FREM3: variants seen among roughly 807,000 people sequenced by gnomAD.
FREM3 encodes FRAS1-related extracellular matrix protein 3.
A neutral mutation model predicts 129.1 loss-of-function variants in FREM3; 105 were observed. The observed-to-expected ratio is 0.81, with a 90% CI of 0.69 to 0.96. The LOEUF (loss-of-function observed/expected upper bound fraction) is 0.96, where lower values mean the gene tolerates loss of function less well. FREM3 is among the 40% of genes least tolerant of loss of function. The probability of loss-of-function intolerance (pLI) is 0.00; values close to 1 mark genes in which losing one functional copy is unlikely to be tolerated. For missense variants in FREM3, 2,593 were observed against 2,666.3 expected (o/e 0.97, Z 0.61); for synonymous variants, 1,014 against 1,044.9 (o/e 0.97, Z 0.57).
At chr4:143,690,017 T>A (rs1201196820) in intron 2 of FREM3, among the ~76,000 whole-genome samples, 4 of 136,558 alleles carry the variant, frequency 2.9e-5, no homozygotes, top group Non-Finnish European at 3.1e-5. Flanking sequence ...ATGGAAAAAT[T>A]AAAAAAAAAA....
intron 5 of FREM3, among the ~76,000 whole-genome samples, chr4:143,616,685 C>T (rs185029002): frequency 2.6e-5 from 4 of 151,764 alleles, no homozygotes; most frequent in Non-Finnish European, 2.9e-5. Flanking sequence ...CCCAGCTACA[C>T]GGGAGGCTGA....
chr4:143,643,706 A>AAGTTACAAT (rs1739364117), intron 2 of FREM3, among the ~76,000 whole-genome samples: 1 of 152,088 alleles, frequency 6.6e-6, no homozygotes, highest in South Asian at 2.1e-4. Context: ...AACAGGCAGA[A>AAGTTACAAT]AGTTACAATA....
At chr4:143,595,133 G>T (rs531086389) in intron 6 of FREM3, among the ~76,000 whole-genome samples, 1 of 152,228 alleles carries the variant, frequency 6.6e-6, no homozygotes, top group Admixed American at 6.5e-5. Flanking sequence ...GCCAGGTTTT[G>T]CAGGTGAGGT....
At position 143,697,578 on chromosome 4, in the gene FREM3, T is replaced by C. The variant is rs1482066613; in HGVS notation, c.3098A>G (p.Asp1033Gly). The change falls in exon 1 of 8, where the codon GAT (aspartate) becomes GGT (glycine). Residue 1033 changes from aspartate to glycine, a missense_variant. Asp to Gly is a moderately conservative substitution (Grantham distance 94). Around this residue, in one of 2 missense-constraint regions of FREM3, gnomAD observed 2,276 missense variants for 2,267.2 expected, o/e 1.00. Coordinates refer to ENST00000329798, the MANE Select transcript of FREM3 (RefSeq NM_001168235.2). ...TTTGGAGAGGATGAGGCTGAAGGCATCGTGCTGCTTTTGAAAACCAACTTC... is the reference window on the plus strand; with the variant it reads ...TTTGGAGAGGATGAGGCTGAAGGCACCGTGCTGCTTTTGAAAACCAACTTC... The part of the protein sequence containing the change: ...AGEVGFQKQH[D>G]AFSLILSKDS... The C allele has an allele frequency of 6.5e-7, 1 of 1,537,566 alleles. No homozygotes were observed. Among genetic ancestry groups the C allele is most frequent in the Non-Finnish European group, 8.7e-7 (1 of 1,146,964 alleles).
chr4:143,660,392 G>A (rs911074578), intron 2 of FREM3, among the ~76,000 whole-genome samples: 8 of 152,130 alleles, frequency 5.3e-5, no homozygotes, highest in African/African-American at 1.9e-4. Context: ...TCAGATAGTT[G>A]TAGATATGCG....
At chr4:143,591,269 T>C (rs1738355553) in intron 6 of FREM3, among the ~76,000 whole-genome samples, 1 of 152,244 alleles carries the variant, frequency 6.6e-6, no homozygotes, top group Non-Finnish European at 1.5e-5. Context: ...AGTTATTTCT[T>C]GCCTTCTGCT....
chr4:143,583,678 C>T (rs1484746993), intron 7 of FREM3, among the ~76,000 whole-genome samples: 1 of 151,764 alleles, frequency 6.6e-6, no homozygotes, highest in Non-Finnish European at 1.5e-5. Context: ...AAAAAAGAAT[C>T]TCAACCAAGA....
intron 2 of FREM3, among the ~76,000 whole-genome samples, chr4:143,677,657 T>A (rs1399066951): frequency 2.6e-5 from 4 of 152,222 alleles, no homozygotes; most frequent in African/African-American, 9.6e-5. Context: ...GACAAAGGGC[T>A]AATATCCAGA....
At chr4:143,602,880 T>C (rs1461935212) in intron 6 of FREM3, among the ~76,000 whole-genome samples, 2 of 152,188 alleles carry the variant, frequency 1.3e-5, no homozygotes, top group Non-Finnish European at 2.9e-5. Flanking sequence ...TCTAGCTATC[T>C]TAAGACAAAA....
chr4:143,663,512 TA>T (rs1455600063), intron 2 of FREM3, among the ~76,000 whole-genome samples: 2 of 152,136 alleles, frequency 1.3e-5, no homozygotes, highest in Non-Finnish European at 2.9e-5. Flanking sequence ...TGGCTGCCCT[TA>T]ACATTTTTTC....
chr4:143,675,124 G>C (rs1036533715), intron 2 of FREM3, among the ~76,000 whole-genome samples: 1 of 152,128 alleles, frequency 6.6e-6, no homozygotes, highest in Non-Finnish European at 1.5e-5. Context: ...TTCCAAAATT[G>C]ACCACATAGT....
rs1187545660 is a variant in FREM3, at chr4:143,577,644, G to A, written c.6387C>T (p.Asp2129=). ...TTIFIEDTIT[D]CKQSACSSFD is the part of the protein sequence containing the mutation. ...AGGAACTACAAGCACTCTGCTTACA[G>A]TCCGTGATGGTGTCCTCGATGAAAA... The change falls in exon 8 of 8, where the codon GAC becomes GAT. Residue 2129 remains aspartate (D), a synonymous_variant. Coordinates refer to ENST00000329798, the MANE Select transcript of FREM3 (RefSeq NM_001168235.2). 6.5e-7 allele frequency: 1 copy of A among 1,537,140 alleles called. No individual in the cohort carries two copies. Among genetic ancestry groups the A allele is most frequent in the Non-Finnish European group, 8.7e-7 (1 of 1,146,914 alleles).
At chr4:143,628,985 G>A (rs1739094230) in intron 2 of FREM3, among the ~76,000 whole-genome samples, 1 of 152,142 alleles carries the variant, frequency 6.6e-6, no homozygotes, top group African/African-American at 2.4e-5. Context: ...AGTAGGGCCA[G>A]TTAAGGAGGC....
At chr4:143,695,211 T>G (rs1002029135) in intron 1 of FREM3, among the ~76,000 whole-genome samples, 1 of 152,214 alleles carries the variant, frequency 6.6e-6, no homozygotes, top group Non-Finnish European at 1.5e-5. Context: ...TTCTAATATT[T>G]CAGAAGCAGA....
chr4:143,612,687 A>AT (rs1238341776), intron 5 of FREM3, among the ~76,000 whole-genome samples: 2 of 152,170 alleles, frequency 1.3e-5, no homozygotes, highest in African/African-American at 4.8e-5. Context: ...GTTCTGATGC[A>AT]TTTTTGCAGT....
chr4:143,621,273 G>T, intron 4 of FREM3, 111 bp from the exon 5 acceptor site: 1 of 967,754 alleles, frequency 1.0e-6, no homozygotes, highest in Non-Finnish European at 1.5e-6. Flanking sequence ...TTTCCAACAT[G>T]ATTAACTGTA....
chr4:143,613,051 T>G (rs1331313268), intron 5 of FREM3, among the ~76,000 whole-genome samples: 1 of 152,158 alleles, frequency 6.6e-6, no homozygotes, highest in African/African-American at 2.4e-5. Context: ...TAGATCTAAG[T>G]TGCTAAAAAA....
intron 7 of FREM3, among the ~76,000 whole-genome samples, chr4:143,584,447 C>G (rs554397641): frequency 6.8e-4 from 98 of 144,542 alleles, no homozygotes; most frequent in Non-Finnish European, 1.0e-3. Flanking sequence ...ATCTACCAAA[C>G]AAATGGAAAA....
chr4:143,696,498 T>C lies in FREM3; in HGVS notation c.4178A>G (p.Glu1393Gly). 6.5e-7 allele frequency: 1 copy of C among 1,537,646 alleles called. No homozygotes were observed. ...GLICYIHTGQ[E>G]GIVDIIKFDV... is the part of the protein sequence containing the mutation. ...AAACTTGATAATGTCAACAATCCCTTCTTGGCCTGTGTGGATATAGCAGAT... is the reference window on the plus strand; with the variant it reads ...AAACTTGATAATGTCAACAATCCCTCCTTGGCCTGTGTGGATATAGCAGAT... Residue 1393 changes from glutamate (E) to glycine (G), a missense_variant, in exon 1 of 8, where the codon GAA (glutamate) becomes GGA (glycine). Physicochemically the swap from Glu to Gly is moderately conservative, Grantham distance 98. Around this residue, in one of 2 missense-constraint regions of FREM3, gnomAD observed 2,276 missense variants for 2,267.2 expected, o/e 1.00. Coordinates refer to ENST00000329798, the MANE Select transcript of FREM3 (RefSeq NM_001168235.2).
Sources: gnomAD v4.1 joint callset for allele counts (sites outside exome capture counted in the v4.1 genomes callset) on GRCh38, gnomAD v4.1.1 for gene constraint, gnomAD v4.1.1 regional missense constraint, MANE v1.5 for transcripts, NCBI Gene and HGNC (gene_info 2026-07-23, HGNC 2026-07-21) for gene names.